Variants in ARHGEF15 observed in about 807,000 individuals in gnomAD.
ARHGEF15 encodes the protein Rho guanine nucleotide exchange factor (GEF) 15.
ARHGEF15 carries 58 observed loss-of-function variants against 79.7 expected under a neutral mutation model. That is an observed-to-expected ratio of 0.73 (90% CI 0.59 to 0.91). The LOEUF is 0.91. Among genes scored for constraint, ARHGEF15 ranks in the 40% least tolerant of loss-of-function variants. ARHGEF15 has a pLI of 0.00. For synonymous variants in ARHGEF15, 442 were observed against 456.0 expected, an observed-to-expected ratio of 0.97 and a Z score of 0.39; for missense variants, 1,012 against 1,108.1, an observed-to-expected ratio of 0.91 and a Z score of 1.23.
Position 8,318,260 on chromosome 17 carries a change from G to A in ARHGEF15, c.1705-127G>A. 5 of 874,972 alleles carry A rather than the reference G, an allele frequency of 5.7e-6. No homozygotes were observed. Among genetic ancestry groups the A allele is most frequent in the Non-Finnish European group, 7.3e-6 (4 of 550,734 alleles). 54.2% of individuals were successfully genotyped at this position (874,972 alleles called of 1,614,324 possible). On this transcript the variant is annotated intron_variant, in intron 9 of 15. Coordinates refer to ENST00000361926, the MANE Select transcript of ARHGEF15 (RefSeq NM_173728.4). The surrounding 1 kb of genome is among the most constrained non-coding windows in gnomAD (Gnocchi z 5.0). ...GGACTTGCTCAGGGTTCTGCAGATGGTGAGTGATGAGGTCTGTCAGCCTTG... is the reference window on the plus strand; with the variant it reads ...GGACTTGCTCAGGGTTCTGCAGATGATGAGTGATGAGGTCTGTCAGCCTTG...
At chr17:8,312,756 T>A in intron 2 of ARHGEF15, 116 bp downstream of exon 2, 1 of 1,593,424 alleles carries the variant, frequency 6.3e-7, no homozygotes, top group Middle Eastern at 1.7e-4. Context: ...GTTTGGGATA[T>A]CTGGTTTCTG....
In ARHGEF15 at chr17:8,315,462, C is replaced by A. The variant is rs766919083; in HGVS notation, c.1309C>A (p.Arg437=). 2 of 1,613,880 alleles carry A rather than the reference C, an allele frequency of 1.2e-6. No homozygotes were observed. Among genetic ancestry groups the A allele is most frequent in the African/African-American group, 1.3e-5 (1 of 75,034 alleles). ...TSEASYLRSL[R]LLTDTFVLSQ... ...CGAGGCTTCCTACCTGCGCTCCCTGCGGCTGCTGACCGACACCTTCGTGCT... is the reference window on the plus strand; with the variant it reads ...CGAGGCTTCCTACCTGCGCTCCCTGAGGCTGCTGACCGACACCTTCGTGCT... The change falls in exon 7 of 16, where the codon CGG becomes AGG. Residue 437 remains arginine, a synonymous_variant. Coordinates refer to ENST00000361926, the MANE Select transcript of ARHGEF15 (RefSeq NM_173728.4). This position sits in a 1 kb window ranked among gnomAD's most constrained non-coding sequence, Gnocchi z 4.3.
intron 4 of ARHGEF15, 89 bp downstream of exon 4, chr17:8,313,644 C>A: frequency 7.2e-7 from 1 of 1,398,420 alleles, no homozygotes; most frequent in Non-Finnish European, 9.9e-7. Flanking sequence ...CAGCTAAATC[C>A]CACCTCCACA....
rs558164290 is a variant in ARHGEF15, at chr17:8,315,357, G to A, written c.1261-57G>A. ...TCAGGCATAGGGGAGGAGGGCCCAG[G>A]GTCCTAGCTTCCCACGGTGAACTGG... On this transcript the variant is annotated intron_variant, in intron 6 of 15. Coordinates refer to ENST00000361926, the MANE Select transcript of ARHGEF15 (RefSeq NM_173728.4). This position sits in a 1 kb window ranked among gnomAD's most constrained non-coding sequence, Gnocchi z 4.3. The A allele has an allele frequency of 3.0e-5, 48 of 1,612,022 alleles. No individual in the cohort carries two copies. In the East Asian group the frequency reaches 4.9e-4, roughly 16 times the overall value.
chr17:8,317,883 A>G (rs923628352), intron 9 of ARHGEF15, among the ~76,000 whole-genome samples: 3 of 152,282 alleles, frequency 2.0e-5, no homozygotes, highest in Admixed American at 6.5e-5. Context: ...CCTGGCCAAC[A>G]TGGTGAAACC....
rs775847543 is a variant in ARHGEF15 at position 8,315,303 on chromosome 17, AG to A, written c.1260+32del. 6 of 1,608,800 alleles carry A rather than the reference AG, an allele frequency of 3.7e-6. No homozygotes were observed. The South Asian group carries it at 5.5e-5, about 15-fold the overall frequency. ...GTGGGAGCTGGAGGTGGGAGATGGG[AG>A]GGGGGTGCTGGGGTTGGGCTGCATG... is the stretch of plus-strand genomic sequence containing the variant. On this transcript the variant is annotated intron_variant, in intron 6 of 15. Coordinates refer to ENST00000361926, the MANE Select transcript of ARHGEF15 (RefSeq NM_173728.4). This position sits in a 1 kb window ranked among gnomAD's most constrained non-coding sequence, Gnocchi z 4.3.
intron 15 of ARHGEF15, among the ~76,000 whole-genome samples, chr17:8,319,951 T>TA (rs534162475): frequency 5.0e-4 from 76 of 150,830 alleles, no homozygotes; most frequent in African/African-American, 1.8e-3. Context: ...TATTCTTTTT[T>TA]TTTTTTAATG....
chr17:8,320,270 G>A (rs1313814984), intron 15 of ARHGEF15, among the ~76,000 whole-genome samples: 1 of 151,358 alleles, frequency 6.6e-6, no homozygotes, highest in East Asian at 1.9e-4. Context: ...GGTTATGAGT[G>A]TTATGGAAAA....
rs1905182622 is a variant in ARHGEF15 at position 8,318,673 on chromosome 17, GC to G, written c.1872+14del. ...TTCCACAAAGTCAAGGTACATCGCTGCCCAGGCTCCCCATCTTGCCCTGCCC... is the reference window on the plus strand; with the variant it reads ...TTCCACAAAGTCAAGGTACATCGCTGCCAGGCTCCCCATCTTGCCCTGCCC... On this transcript the variant is annotated intron_variant, in intron 11 of 15. Transcript: ENST00000361926. This position sits in a 1 kb window ranked among gnomAD's most constrained non-coding sequence, Gnocchi z 5.0. 1 of 1,611,306 alleles carries G rather than the reference GC, an allele frequency of 6.2e-7. No individual in the cohort carries two copies. The highest frequency in any genetic ancestry group is 8.5e-7 in the Non-Finnish European group (1 of 1,178,240).
At chr17:8,314,784 A>T in intron 4 of ARHGEF15, 122 bp from the exon 5 acceptor site, 46 of 557,868 alleles carry the variant, frequency 8.2e-5, no homozygotes, top group East Asian at 1.4e-4. Context: ...TGATTTGGGG[A>T]GCCGTCAGGG....
chr17:8,319,206 C>T, intron 13 of ARHGEF15, 47 bp downstream of exon 13: 1 of 1,607,272 alleles, frequency 6.2e-7, no homozygotes, highest in Non-Finnish European at 8.5e-7. Context: ...ACTTATCTGA[C>T]CTCTCAGACC....
chr17:8,320,198 C>A (rs1183419556), intron 15 of ARHGEF15, among the ~76,000 whole-genome samples: 1 of 151,670 alleles, frequency 6.6e-6, no homozygotes, highest in African/African-American at 2.4e-5. Context: ...TACGTTCTAG[C>A]AGAGGAGGCA....
chr17:8,315,674 T>G lies in ARHGEF15; in HGVS notation c.1422-81T>G. 6.3e-7 allele frequency: 1 copy of G among 1,589,602 alleles called. No individual in the cohort carries two copies. On this transcript the variant is annotated intron_variant, in intron 7 of 15. Coordinates refer to ENST00000361926, the MANE Select transcript of ARHGEF15 (RefSeq NM_173728.4). This position sits in a 1 kb window ranked among gnomAD's most constrained non-coding sequence, Gnocchi z 4.3. ...AGGTCCTTCCTTCTACGGACCCAGT[T>G]AGTTCCCAAACCTTCTCTCAAGAAC...
chr17:8,311,477 G>A (rs763074049), intron 1 of ARHGEF15, among the ~76,000 whole-genome samples: 32 of 152,024 alleles, frequency 2.1e-4, no homozygotes, highest in Non-Finnish European at 3.8e-4. Flanking sequence ...AAAATAATCC[G>A]GAAAGGGAGA....
chr17:8,314,750 A>AC, intron 4 of ARHGEF15, 156 bp from the exon 5 acceptor site: 2 of 736,224 alleles, frequency 2.7e-6, no homozygotes, highest in Admixed American at 3.4e-5. Context: ...TTCAAAAAAA[A>AC]AAAAAAAAAA....
chr17:8,319,100 C>G lies in ARHGEF15; in HGVS notation c.2127C>G (p.Leu709=). The part of the protein sequence containing the change: ...PDPSGPPTFR[L]SLLSNHQGRP... ...CATCTGGACCCCCTACCTTCCGCCT[C>G]TCCCTTCTCAGCAACCACCAGGGCC... Residue 709 remains leucine, a synonymous_variant, in exon 13 of 16, where the codon CTC becomes CTG. Transcript: ENST00000361926. 1 of 1,614,076 alleles carries G rather than the reference C, an allele frequency of 6.2e-7. No individual in the cohort carries two copies.
Position 8,315,967 on chromosome 17 carries a change from G to T in ARHGEF15, c.1575-52G>T. 1 of 1,599,926 alleles carries T rather than the reference G, an allele frequency of 6.3e-7. No homozygotes were observed. Among genetic ancestry groups the T allele is most frequent in the Non-Finnish European group, 8.5e-7 (1 of 1,177,458 alleles). On this transcript the variant is annotated intron_variant, in intron 8 of 15. Transcript: ENST00000361926. This position sits in a 1 kb window ranked among gnomAD's most constrained non-coding sequence, Gnocchi z 4.3. ...GAGGGATGGGACCGAGGCCACAGCA[G>T]GTTGGGGCACCAGGGCCTCCAGGCA...
chr17:8,319,490 C>T lies in ARHGEF15; in HGVS notation c.2270-9C>T. 6.3e-7 allele frequency: 1 copy of T among 1,593,728 alleles called. No homozygotes were observed. Among genetic ancestry groups the T allele is most frequent in the South Asian group, 1.1e-5 (1 of 87,916 alleles). On this transcript the variant is annotated splice_polypyrimidine_tract_variant and intron_variant, in intron 14 of 15. Coordinates refer to ENST00000361926, the MANE Select transcript of ARHGEF15 (RefSeq NM_173728.4). ...CAGAATCACTTTAATGTCACCCACC[C>T]CCAACCAGACTGTTCCCAGGAACTG...
chr17:8,313,399 T>C, intron 3 of ARHGEF15, 102 bp from the exon 4 acceptor site: 1 of 1,504,028 alleles, frequency 6.6e-7, no homozygotes, highest in Non-Finnish European at 9.1e-7. Flanking sequence ...CTGAAGAGAG[T>C]TGCAGTTTTT....
Sources: allele counts gnomAD v4.1 joint callset (sites outside exome capture counted in the v4.1 genomes callset), GRCh38; gene constraint gnomAD v4.1.1; non-coding constraint Gnocchi (gnomAD v3.1); transcripts MANE v1.5; gene names NCBI Gene and HGNC (gene_info 2026-07-23, HGNC 2026-07-21).